The following PNMA8A variants were observed in gnomAD, a reference collection of about 807,000 sequenced individuals.
PNMA8A encodes PNMA family member 8A.
A neutral mutation model predicts 26.6 loss-of-function variants in PNMA8A; 17 were observed. That is an observed-to-expected ratio of 0.64 (90% CI 0.44 to 0.96). PNMA8A has a LOEUF of 0.96. Ranked by LOEUF, PNMA8A falls within the 40% of genes least tolerant of loss-of-function variation. The pLI, the probability that PNMA8A is intolerant of heterozygous loss-of-function variation, is 0.00. For missense variants in PNMA8A, 532 were observed against 488.4 expected (o/e 1.09, Z -0.84); for synonymous variants, 224 against 182.0 (o/e 1.23, Z -1.86).
rs949619495 is a variant in PNMA8A, at chr19:46,470,023, T to C, written c.1013A>G (p.Asp338Gly). The C allele has an allele frequency of 6.2e-7, 1 of 1,601,736 alleles. No homozygotes were observed. The highest frequency in any genetic ancestry group is 1.3e-5 in the African/African-American group (1 of 74,226). Reference sequence around the variant, plus strand: ...CTTTGGTGGGCTTTCATGGCCACCATCTTGGTCTGACTCAGAGGCGCCTCC... The same window carrying C: ...CTTTGGTGGGCTTTCATGGCCACCACCTTGGTCTGACTCAGAGGCGCCTCC... The part of the protein sequence containing the change: ...SPGGASESDQ[D>G]GGHESPPKKK... The change falls in exon 2 of 3, where the codon GAT (aspartate) becomes GGT (glycine). Residue 338 changes from aspartate to glycine, a missense_variant. Transcript: ENST00000313683.
chr19:46,468,874 A>C (rs1171663479), intron 2 of PNMA8A, among the ~76,000 whole-genome samples: 1 of 151,284 alleles, frequency 6.6e-6, no homozygotes, highest in Non-Finnish European at 1.5e-5. Context: ...AAGAGCCCAG[A>C]CCGCCCTTCC....
chr19:46,470,808 AC>A lies in PNMA8A; in HGVS notation c.227del (p.Gly76ValfsTer2), dbSNP rs1969781350. Reference protein sequence around the residue: ...VKAALIEVGEGVNLSTIPREF... With the variant: ...VKAALIEVGEXVNLSTIPREF... ...CACGGGGGATGGTGCTCAGATTCACACCTTCACCAACCTCAATGAGGGCAGC... is the reference window on the plus strand; with the variant it reads ...CACGGGGGATGGTGCTCAGATTCACACTTCACCAACCTCAATGAGGGCAGC... On this transcript the variant is annotated frameshift_variant, in exon 2 of 3. Coordinates refer to ENST00000313683, the MANE Select transcript of PNMA8A (RefSeq NM_018215.4). LOFTEE classifies it high-confidence loss of function. 1.3e-6 allele frequency: 1 copy of A among 781,560 alleles called. No homozygotes were observed. The highest frequency in any genetic ancestry group is 2.4e-6 in the Non-Finnish European group (1 of 418,686). 48.4% of individuals were successfully genotyped at this position (781,560 alleles called of 1,614,324 possible).
chr19:46,468,771 G>A (rs1312490636), intron 2 of PNMA8A, among the ~76,000 whole-genome samples, 194 bp from the exon 3 acceptor site: 1 of 151,928 alleles, frequency 6.6e-6, no homozygotes, highest in African/African-American at 2.4e-5. Flanking sequence ...TTGGGGGGAG[G>A]GGGGAACAGG....
Position 46,470,510 on chromosome 19 carries a change from C to A in PNMA8A, c.526G>T (p.Ala176Ser). The part of the protein sequence containing the change: ...AEIRSREEAR[A>S]QEAAEFEEMA... ...TCCTCGAATTCAGCGGCCTCCTGGG[C>A]CCTGGCTTCCTCCCGGCTGCGGATC... is the stretch of plus-strand genomic sequence containing the variant. The change falls in exon 2 of 3, where the codon GCC becomes TCC. Residue 176 changes from alanine to serine, a missense_variant. Ala to Ser is a moderately conservative substitution (Grantham distance 99). Coordinates refer to ENST00000313683, the MANE Select transcript of PNMA8A (RefSeq NM_018215.4). 1 of 1,614,076 alleles carries A rather than the reference C, an allele frequency of 6.2e-7. No homozygotes were observed. Among genetic ancestry groups the A allele is most frequent in the Non-Finnish European group, 8.5e-7 (1 of 1,180,040 alleles).
At chr19:46,471,140 C>A in intron 1 of PNMA8A, 26 bp from the exon 2 acceptor site, 1 of 623,170 alleles carries the variant, frequency 1.6e-6, no homozygotes, top group Non-Finnish European at 2.9e-6. Context: ...GGAGCGAGGT[C>A]ACGTTCCCAG....
Position 46,468,562 on chromosome 19 carries a change from C to G in PNMA8A, c.1319G>C (p.Ter440SerextTer10), listed in dbSNP as rs775962407. ...CCTCAGTATGGGTGGTCCCCCAGAT[C>G]AAACCTTTCTGGATTCTGCAAATAA... ...RRATNESRKV* is the reference protein window; with the variant it reads ...RRATNESRKVS Residue 440 changes from the stop codon to serine, a stop_lost, in exon 3 of 3, where the codon TGA becomes TCA. Transcript: ENST00000313683. 6.2e-7 allele frequency: 1 copy of G among 1,613,026 alleles called. No individual in the cohort carries two copies. Among genetic ancestry groups the G allele is most frequent in the South Asian group, 1.1e-5 (1 of 91,034 alleles).
In PNMA8A at chr19:46,470,990, C is replaced by T. The variant is rs747056204; in HGVS notation, c.46G>A (p.Gly16Arg). 7.7e-6 allele frequency: 6 copies of T among 779,374 alleles called. No individual in the cohort carries two copies. The highest frequency in any genetic ancestry group is 6.7e-5 in the South Asian group (5 of 74,528). 48.3% of individuals were successfully genotyped at this position (779,374 alleles called of 1,614,324 possible). The change falls in exon 2 of 3, where the codon GGA becomes AGA. Residue 16 changes from glycine to arginine, a missense_variant. By Grantham distance (125) the Gly-to-Arg change is moderately radical. Coordinates refer to ENST00000313683, the MANE Select transcript of PNMA8A (RefSeq NM_018215.4). ...GACCTGTGGATGTCCACTTCCATTC[C>T]CCTGCACCAATCCTCCAGAAGGTTC... Reference protein sequence around the residue: ...AMNLLEDWCRGMEVDIHRSLL... With the variant: ...AMNLLEDWCRRMEVDIHRSLL...
At chr19:46,469,577 G>A (rs1434184548) in intron 2 of PNMA8A, among the ~76,000 whole-genome samples, 156 bp downstream of exon 2, 1 of 152,062 alleles carries the variant, frequency 6.6e-6, no homozygotes, top group Non-Finnish European at 1.5e-5. Flanking sequence ...CTCCTCAACT[G>A]GTGTGTCATC....
intron 2 of PNMA8A, 92 bp downstream of exon 2, chr19:46,469,641 C>T: frequency 1.4e-6 from 2 of 1,392,124 alleles, no homozygotes; most frequent in Admixed American, 2.7e-5. Flanking sequence ...CCCACCACCT[C>T]CTCGGGCTCC....
chr19:46,470,618 G>A lies in PNMA8A; in HGVS notation c.418C>T (p.His140Tyr). 1 of 1,607,642 alleles carries A rather than the reference G, an allele frequency of 6.2e-7. No homozygotes were observed. The highest frequency in any genetic ancestry group is 8.5e-7 in the Non-Finnish European group (1 of 1,174,048). The change falls in exon 2 of 3, where the codon CAT becomes TAT. Residue 140 changes from histidine to tyrosine, a missense_variant. Coordinates refer to ENST00000313683, the MANE Select transcript of PNMA8A (RefSeq NM_018215.4). ...LNHPTLSQNQ[H>Y]QPPENWAEAL... ...TCTGCCCAGTTCTCTGGGGGCTGAT[G>A]CTGGTTCTGGGACAGGGTGGGGTGG...
rs775297158 is a variant in PNMA8A, at chr19:46,470,587, A to C, written c.449T>G (p.Leu150Arg). ...CACCACTGCTCCCAGAAGCACCCCCAGAGCTTCTGCCCAGTTCTCTGGGGG... is the reference window on the plus strand; with the variant it reads ...CACCACTGCTCCCAGAAGCACCCCCCGAGCTTCTGCCCAGTTCTCTGGGGG... ...HQPPENWAEA[L>R]GVLLGAVVQI... The change falls in exon 2 of 3, where the codon CTG becomes CGG. Residue 150 changes from leucine (L) to arginine (R), a missense_variant. Physicochemically the swap from Leu to Arg is moderately radical, Grantham distance 102 (BLOSUM62 -2). Coordinates refer to ENST00000313683, the MANE Select transcript of PNMA8A (RefSeq NM_018215.4). 1.2e-5 allele frequency: 19 copies of C among 1,613,936 alleles called. No homozygotes were observed. In the East Asian group the frequency reaches 4.0e-4, roughly 34 times the overall value.
chr19:46,469,415 C>A (rs1466950867), intron 2 of PNMA8A, among the ~76,000 whole-genome samples: 1 of 152,084 alleles, frequency 6.6e-6, no homozygotes, highest in Non-Finnish European at 1.5e-5. Flanking sequence ...TGGGCCCAAA[C>A]CATTAAATTC....
Position 46,471,047 on chromosome 19 carries a change from G to C in PNMA8A, c.-12C>G. 1 of 752,862 alleles carries C rather than the reference G, an allele frequency of 1.3e-6. No individual in the cohort carries two copies. The highest frequency in any genetic ancestry group is 2.5e-6 in the Non-Finnish European group (1 of 402,870). 46.6% of individuals were successfully genotyped at this position (752,862 alleles called of 1,614,324 possible). On this transcript the variant is annotated 5_prime_UTR_variant, in exon 2 of 3. Coordinates refer to ENST00000313683, the MANE Select transcript of PNMA8A (RefSeq NM_018215.4). ...ATGGTCTTGGACATTTAGCGGCTCT[G>C]AACCTACTATGTGTAGTAAATAGTC...
At position 46,468,515 on chromosome 19, in the gene PNMA8A, C is replaced by G. The variant is rs1481333383; in HGVS notation, c.*46G>C. The G allele has an allele frequency of 2.5e-6, 4 of 1,593,820 alleles. No homozygotes were observed. The highest frequency in any genetic ancestry group is 3.4e-6 in the Non-Finnish European group (4 of 1,161,754). Reference sequence around the variant, plus strand: ...AAGAGAGAACTTGGTTGACTTGGTACTTCTTCCTTGTTCTTTCAACTCCTC... The same window carrying G: ...AAGAGAGAACTTGGTTGACTTGGTAGTTCTTCCTTGTTCTTTCAACTCCTC... On this transcript the variant is annotated 3_prime_UTR_variant, in exon 3 of 3. Coordinates refer to ENST00000313683, the MANE Select transcript of PNMA8A (RefSeq NM_018215.4).
Position 46,470,457 on chromosome 19 carries a change from C to T in PNMA8A, c.579G>A (p.Gly193=), listed in dbSNP as rs1262977835. Residue 193 remains glycine, a synonymous_variant, in exon 2 of 3, where the codon GGG becomes GGA. Transcript: ENST00000313683. ...GCCCCGGTTCTTTCTTCACCTTCCT[C>T]CCTGCTGCTAAAGCCCAGGCTGCCA... ...EEMAAWALAA[G]RKVKKEPGLA... is the part of the protein sequence containing the mutation. 3 of 1,613,932 alleles carry T rather than the reference C, an allele frequency of 1.9e-6. No individual in the cohort carries two copies. In the Admixed American group the frequency reaches 5.0e-5, roughly 27 times the overall value.
At chr19:46,468,648 A>G in intron 2 of PNMA8A, 71 bp from the exon 3 acceptor site, 1 of 1,335,940 alleles carries the variant, frequency 7.5e-7, no homozygotes, top group Admixed American at 1.7e-5. Flanking sequence ...ATTACTTCCA[A>G]GAAATTTCTG....
rs777281340 is a variant in PNMA8A, at chr19:46,470,447, T to C, written c.589A>G (p.Lys197Glu). Residue 197 changes from lysine to glutamate, a missense_variant, in exon 2 of 3, where the codon AAG (lysine) becomes GAG (glutamate). Transcript: ENST00000313683. ...AWALAAGRKV[K>E]KEPGLAAEVG... ...TCTGCTGCAAGCCCCGGTTCTTTCT[T>C]CACCTTCCTCCCTGCTGCTAAAGCC... 1 of 1,614,046 alleles carries C rather than the reference T, an allele frequency of 6.2e-7. No homozygotes were observed. Among genetic ancestry groups the C allele is most frequent in the Non-Finnish European group, 8.5e-7 (1 of 1,180,030 alleles).
chr19:46,469,470 G>A (rs751130720), intron 2 of PNMA8A, among the ~76,000 whole-genome samples: 4 of 152,102 alleles, frequency 2.6e-5, no homozygotes, highest in Non-Finnish European at 5.9e-5. Flanking sequence ...TGACCACAGT[G>A]ACACTCATTG....
At chr19:46,468,805 G>A (rs1428092982) in intron 2 of PNMA8A, among the ~76,000 whole-genome samples, 11 of 152,162 alleles carry the variant, frequency 7.2e-5, no homozygotes, top group Non-Finnish European at 1.5e-4. Context: ...GCCCAGGCTG[G>A]AGTGCAGCAG....
Sources: gnomAD v4.1 joint callset for allele counts (sites outside exome capture counted in the v4.1 genomes callset) on GRCh38, gnomAD v4.1.1 for gene constraint, MANE v1.5 for transcripts, NCBI Gene and HGNC (gene_info 2026-07-23, HGNC 2026-07-21) for gene names.